CTNNA2: variants seen among roughly 807,000 people sequenced by gnomAD.
The protein encoded by CTNNA2 is catenin alpha 2, also known as catenin alpha-2.
Under a neutral mutation model 101.0 loss-of-function variants are expected in CTNNA2, and 42 were observed. That is an observed-to-expected ratio of 0.42 (90% CI 0.32 to 0.54). The LOEUF (loss-of-function observed/expected upper bound fraction) is 0.54, where lower values mean the gene tolerates loss of function less well. Ranked by LOEUF, CTNNA2 falls within the 20% of genes least tolerant of loss-of-function variation. The pLI is 0.14. For synonymous variants in CTNNA2, 450 were observed against 456.4 expected (o/e 0.99, Z 0.18); for missense variants, 871 against 1,223.1 (o/e 0.71, Z 4.29).
chr2:80,175,975 G>A (rs1205342989), intron 7 of CTNNA2, among the ~76,000 whole-genome samples: 1 of 152,210 alleles, frequency 6.6e-6, no homozygotes, highest in Non-Finnish European at 1.5e-5. Context: ...TATCCTAGCT[G>A]TGCTGGCAGC....
chr2:79,338,575 A>ATATTCTTCTTCTTCTTCT (rs879675967), intron 3 of CTNNA2, among the ~76,000 whole-genome samples: 1 of 115,422 alleles, frequency 8.7e-6, no homozygotes, highest in African/African-American at 3.4e-5. Context: ...CTTCCTCCTC[A>ATATTCTTCTTCTTCTTCT]TCATCTTCTT....
In CTNNA2 at chr2:79,978,837, A is replaced by G. The variant is rs62139616; in HGVS notation, c.1056+69040A>G. ...ATTAACAATAAGAGCTAACAGTGAA[A>G]CAGGAACAATTTTAAATAGTTTGTG... On this transcript the variant is annotated intron_variant, in intron 7 of 18. Coordinates refer to ENST00000402739, the MANE Select transcript of CTNNA2 (RefSeq NM_001282597.3). Among the ~76,000 whole-genome samples, 864 of 152,290 alleles carry G rather than the reference A, an allele frequency of 5.7e-3. 6 individuals are homozygous for G. Among genetic ancestry groups the G allele is most frequent in the Non-Finnish European group, 9.2e-3 (624 of 68,018 alleles).
At chr2:79,668,043 A>G (rs567716341) in intron 2 of CTNNA2, among the ~76,000 whole-genome samples, 1 of 151,414 alleles carries the variant, frequency 6.6e-6, no homozygotes, top group Admixed American at 6.6e-5. Context: ...GATCGAGACC[A>G]TCCTGGCTAA....
At chr2:80,552,821 CATA>C (rs1432678463) in intron 11 of CTNNA2, among the ~76,000 whole-genome samples, 4 of 152,086 alleles carry the variant, frequency 2.6e-5, no homozygotes, top group African/African-American at 9.7e-5. Flanking sequence ...AAAAATATGA[CATA>C]ATCTTATGGG....
chr2:80,221,684 T>C (rs1708583814), intron 7 of CTNNA2, among the ~76,000 whole-genome samples: 1 of 152,202 alleles, frequency 6.6e-6, no homozygotes, highest in South Asian at 2.1e-4. Context: ...AGGGTGGAAA[T>C]GGATCCGATG....
At chr2:79,977,843 C>T (rs1050734815) in intron 7 of CTNNA2, among the ~76,000 whole-genome samples, 5 of 152,062 alleles carry the variant, frequency 3.3e-5, no homozygotes, top group Non-Finnish European at 7.4e-5. Context: ...TTATCTTTCT[C>T]TGGCCAGAGG....
At chr2:79,216,192 T>C (rs537544386) in intron 2 of CTNNA2, among the ~76,000 whole-genome samples, 18 of 152,266 alleles carry the variant, frequency 1.2e-4, no homozygotes, top group African/African-American at 2.4e-4. Context: ...AGCGGCATTG[T>C]AGAAGAAAAT....
intron 9 of CTNNA2, among the ~76,000 whole-genome samples, chr2:80,420,035 A>G (rs1052811909): frequency 2.6e-3 from 147 of 57,596 alleles, no homozygotes; most frequent in South Asian, 3.6e-3. Flanking sequence ...GGAACTTGTG[A>G]AAAAAAAAAA....
At chr2:79,748,386 CACTG>C (rs1162658670) in intron 3 of CTNNA2, among the ~76,000 whole-genome samples, 1 of 152,210 alleles carries the variant, frequency 6.6e-6, no homozygotes, top group African/African-American at 2.4e-5. Flanking sequence ...ATTATGGACA[CACTG>C]ACATTTAGAA....
chr2:79,642,923 G>C (rs989623216), intron 1 of CTNNA2, among the ~76,000 whole-genome samples: 1 of 152,012 alleles, frequency 6.6e-6, no homozygotes, highest in African/African-American at 2.4e-5. Flanking sequence ...GCCGGGCACG[G>C]TGGCTATGCC....
intron 3 of CTNNA2, among the ~76,000 whole-genome samples, chr2:79,317,230 A>C (rs770432326): frequency 6.6e-6 from 1 of 152,012 alleles, no homozygotes; most frequent in Non-Finnish European, 1.5e-5. Flanking sequence ...TCACAGGTTA[A>C]ACAAATCTCG....
chr2:79,850,904 G>A (rs1680650804), intron 3 of CTNNA2, among the ~76,000 whole-genome samples: 1 of 152,176 alleles, frequency 6.6e-6, no homozygotes, highest in African/African-American at 2.4e-5. Flanking sequence ...AGTCCAGATA[G>A]ATACAGCCTA....
chr2:80,284,987 T>G lies in CTNNA2; in HGVS notation c.1057-108224T>G, dbSNP rs527521110. On this transcript the variant is annotated intron_variant, in intron 7 of 18. Transcript: ENST00000402739. Reference sequence around the variant, plus strand: ...TCACTTAGTCCTAGTGTTTGTTCATTGCAAGAATCAGGAAGGTTGTCTGTA... The same window carrying G: ...TCACTTAGTCCTAGTGTTTGTTCATGGCAAGAATCAGGAAGGTTGTCTGTA... Among the ~76,000 whole-genome samples the G allele has an allele frequency of 2.6e-5, 4 of 152,298 alleles. No individual in the cohort carries two copies. In the East Asian group the frequency reaches 7.7e-4, roughly 29 times the overall value.
intron 7 of CTNNA2, among the ~76,000 whole-genome samples, chr2:80,152,838 A>G (rs2148930797): frequency 6.6e-6 from 1 of 152,316 alleles, no homozygotes; most frequent in South Asian, 2.1e-4. Context: ...CTCCTGCTAG[A>G]GTTCAGAAAT....
At chr2:79,685,375 G>C (rs1458334759) in intron 2 of CTNNA2, among the ~76,000 whole-genome samples, 2 of 152,120 alleles carry the variant, frequency 1.3e-5, no homozygotes, top group Non-Finnish European at 2.9e-5. Context: ...GTGTTAATTA[G>C]AATGGGGCAC....
At chr2:80,192,391 T>C (rs769450866) in intron 7 of CTNNA2, among the ~76,000 whole-genome samples, 74 of 152,238 alleles carry the variant, frequency 4.9e-4, no homozygotes, top group Non-Finnish European at 1.0e-3. Context: ...CCAGTGGTCA[T>C]GATGATTTAA....
At chr2:79,745,716 CATA>C (rs1399891492) in intron 3 of CTNNA2, among the ~76,000 whole-genome samples, 2 of 152,146 alleles carry the variant, frequency 1.3e-5, no homozygotes, top group South Asian at 2.1e-4. Context: ...TTTCACTTAG[CATA>C]ATGTCTTCAA....
At chr2:80,606,697 T>G (rs186114265) in intron 16 of CTNNA2, among the ~76,000 whole-genome samples, 48 of 152,034 alleles carry the variant, frequency 3.2e-4, no homozygotes, top group Admixed American at 3.3e-4. Context: ...TAGAATAGAA[T>G]GAGTATTATC....
rs1330710392 is a variant in CTNNA2, at chr2:79,744,328, A to G, written c.103-59A>G. ...ACGGAGATTTAGAAATTATGAGATA[A>G]CATGACATTTCTAGACAGTTTTGCA... On this transcript the variant is annotated intron_variant, in intron 2 of 18. Coordinates refer to ENST00000402739, the MANE Select transcript of CTNNA2 (RefSeq NM_001282597.3). 6 of 1,466,644 alleles carry G rather than the reference A, an allele frequency of 4.1e-6. No individual in the cohort carries two copies. The African/African-American group carries it at 8.5e-5, about 21-fold the overall frequency. 90.9% of individuals were successfully genotyped at this position (1,466,644 alleles called of 1,614,324 possible).
Sources: gnomAD v4.1 joint callset for allele counts (sites outside exome capture counted in the v4.1 genomes callset) on GRCh38, gnomAD v4.1.1 for gene constraint, MANE v1.5 for transcripts, NCBI Gene and HGNC (gene_info 2026-07-23, HGNC 2026-07-21) for gene names.